TBC1D10B: variants seen among roughly 807,000 people sequenced by gnomAD.
TBC1D10B encodes the protein TBC1 domain family member 10B.
Under a neutral mutation model 78.4 loss-of-function variants are expected in TBC1D10B, and 25 were observed. The ratio of observed to expected loss-of-function variants is 0.32; its 90% CI spans 0.23 to 0.45. TBC1D10B has a LOEUF of 0.45. Among genes scored for constraint, TBC1D10B ranks in the 20% least tolerant of loss-of-function variants. The probability of loss-of-function intolerance (pLI) is 1.00; values close to 1 mark genes in which losing one functional copy is unlikely to be tolerated. For missense variants in TBC1D10B, 996 were observed against 1,104.8 expected (o/e 0.90, Z 1.40); for synonymous variants, 517 against 478.0 (o/e 1.08, Z -1.06).
At position 30,369,318 on chromosome 16, in the gene TBC1D10B, G is replaced by C; in HGVS notation, c.866C>G (p.Ser289Cys). Residue 289 changes from serine to cysteine, a missense_variant, in exon 1 of 9, where the codon TCC (serine) becomes TGC (cysteine). Physicochemically the swap from Ser to Cys is moderately radical, Grantham distance 112 (BLOSUM62 -1). This residue lies in a region of TBC1D10B where 448 missense variants were observed against 442.1 expected (regional missense o/e 1.01). Coordinates refer to ENST00000409939, the MANE Select transcript of TBC1D10B (RefSeq NM_015527.4). This position sits in a 1 kb window ranked among gnomAD's most constrained non-coding sequence, Gnocchi z 4.3. Reference protein sequence around the residue: ...TLESLADDVSSMGSDSEINGL... With the variant: ...TLESLADDVSCMGSDSEINGL... ...GTTTATCTCTGAATCTGAGCCCATG[G>C]AGCTCACATCATCCGCCAAGGACTC... 1 of 1,595,970 alleles carries C rather than the reference G, an allele frequency of 6.3e-7. No individual in the cohort carries two copies. Among genetic ancestry groups the C allele is most frequent in the Non-Finnish European group, 8.5e-7 (1 of 1,171,620 alleles).
At chr16:30,364,788 C>T (rs1382492259) in intron 4 of TBC1D10B, 112 bp downstream of exon 4, 2 of 897,486 alleles carry the variant, frequency 2.2e-6, no homozygotes, top group South Asian at 1.6e-5. Context: ...AGCTCTTCTA[C>T]AAGTCCTGAA....
Position 30,370,009 on chromosome 16 carries a change from G to A in TBC1D10B, c.175C>T (p.Arg59Trp). The part of the protein sequence containing the change: ...PVTLVAPGEA[R>W]PAWVPGSAET... Reference sequence around the variant, plus strand: ...GCCGACCCCGGGACCCAGGCGGGCCGCGCCTCCCCGGGGGCCACCAGGGTG... The same window carrying A: ...GCCGACCCCGGGACCCAGGCGGGCCACGCCTCCCCGGGGGCCACCAGGGTG... The change falls in exon 1 of 9, where the codon CGG becomes TGG. Residue 59 changes from arginine to tryptophan, a missense_variant. This residue lies in a region of TBC1D10B where 448 missense variants were observed against 442.1 expected (regional missense o/e 1.01). Transcript: ENST00000409939. 1 of 1,232,838 alleles carries A rather than the reference G, an allele frequency of 8.1e-7. No individual in the cohort carries two copies. Among genetic ancestry groups the A allele is most frequent in the Admixed American group, 4.2e-5 (1 of 23,704 alleles). 76.4% of individuals were successfully genotyped at this position (1,232,838 alleles called of 1,614,324 possible).
intron 4 of TBC1D10B, among the ~76,000 whole-genome samples, chr16:30,361,878 C>T (rs1273990852): frequency 4.6e-5 from 7 of 151,146 alleles, no homozygotes; most frequent in Admixed American, 4.6e-4. Context: ...GACAGAATCT[C>T]CTCTGTCGCC....
intron 4 of TBC1D10B, among the ~76,000 whole-genome samples, chr16:30,363,669 C>A (rs2049613577): frequency 6.6e-6 from 1 of 152,206 alleles, no homozygotes; most frequent in Non-Finnish European, 1.5e-5. Flanking sequence ...AATATACTTT[C>A]CTTTCCCTGA....
In TBC1D10B at chr16:30,365,842, G is replaced by C. The variant is rs2049631619; in HGVS notation, c.957-248C>G. ...TCTGACACATCCAAATCTGGGGAGAGAGTATGGAGTATTTTAAAGCCACAT... is the reference window on the plus strand; with the variant it reads ...TCTGACACATCCAAATCTGGGGAGACAGTATGGAGTATTTTAAAGCCACAT... On this transcript the variant is annotated intron_variant, in intron 1 of 8. Coordinates refer to ENST00000409939, the MANE Select transcript of TBC1D10B (RefSeq NM_015527.4). This position sits in a 1 kb window ranked among gnomAD's most constrained non-coding sequence, Gnocchi z 5.0. 2.1e-6 allele frequency: 1 copy of C among 469,490 alleles called. No homozygotes were observed. Among genetic ancestry groups the C allele is most frequent in the South Asian group, 2.5e-5 (1 of 39,814 alleles). The allele number at this position is 469,490 out of a possible 1,614,324, so 29.1% of individuals were successfully genotyped here.
At position 30,365,292 on chromosome 16, in the gene TBC1D10B, C is replaced by G; in HGVS notation, c.1057-80G>C. 2 of 1,351,772 alleles carry G rather than the reference C, an allele frequency of 1.5e-6. No homozygotes were observed. The highest frequency in any genetic ancestry group is 2.1e-6 in the Non-Finnish European group (2 of 953,084). The allele number at this position is 1,351,772 out of a possible 1,614,324, so 83.7% of individuals were successfully genotyped here. The stretch of plus-strand genomic sequence containing the variant: ...CTTTCCCCAGCAGTCCACAAACTCC[C>G]TGGATACTCCTCCGACATCCCATAG... On this transcript the variant is annotated intron_variant, in intron 2 of 8. Transcript: ENST00000409939. The surrounding 1 kb of genome is among the most constrained non-coding windows in gnomAD (Gnocchi z 5.0).
Position 30,359,317 on chromosome 16 carries a change from G to A in TBC1D10B, c.1497C>T (p.Arg499=). The change falls in exon 7 of 9, where the codon CGC becomes CGT. Residue 499 remains arginine (R), a synonymous_variant. Coordinates refer to ENST00000409939, the MANE Select transcript of TBC1D10B (RefSeq NM_015527.4). ...LDGEIFFALL[R]RASPLAHRHL... ...GGCGATGCGCCAGCGGGGAGGCCCG[G>A]CGCAGGAGTGCAAAAAAGATCTCCC... 1 of 1,590,918 alleles carries A rather than the reference G, an allele frequency of 6.3e-7. No individual in the cohort carries two copies. The highest frequency in any genetic ancestry group is 8.6e-7 in the Non-Finnish European group (1 of 1,169,154).
Position 30,369,288 on chromosome 16 carries a change from A to T in TBC1D10B, c.896T>A (p.Leu299Gln). 3.8e-6 allele frequency: 6 copies of T among 1,588,956 alleles called. No individual in the cohort carries two copies. The highest frequency in any genetic ancestry group is 5.1e-6 in the Non-Finnish European group (6 of 1,168,274). The change falls in exon 1 of 9, where the codon CTG (leucine) becomes CAG (glutamine). Residue 299 changes from leucine (L) to glutamine (Q), a missense_variant. Transcript: ENST00000409939. The surrounding 1 kb of genome is among the most constrained non-coding windows in gnomAD (Gnocchi z 4.3). Reference protein sequence around the residue: ...SMGSDSEINGLALRKTDKYGF... With the variant: ...SMGSDSEINGQALRKTDKYGF... Reference sequence around the variant, plus strand: ...ATACTTGTCCGTCTTGCGCAGGGCCAGCCCGTTTATCTCTGAATCTGAGCC... The same window carrying T: ...ATACTTGTCCGTCTTGCGCAGGGCCTGCCCGTTTATCTCTGAATCTGAGCC...
rs1420264090 is a variant in TBC1D10B at position 30,357,991 on chromosome 16, C to T, written c.2380G>A (p.Gly794Ser). Reference sequence around the variant, plus strand: ...GCCTCGGCTGAGGGCCTGTCCCCACCATCATGGGGGCCTGGGGGCCCATCT... The same window carrying T: ...GCCTCGGCTGAGGGCCTGTCCCCACTATCATGGGGGCCTGGGGGCCCATCT... ...KADGPPGPHD[G>S]GDRPSAEARQ... The change falls in exon 9 of 9, where the codon GGT becomes AGT. Residue 794 changes from glycine to serine, a missense_variant. Gly to Ser is a moderately conservative substitution (Grantham distance 56, BLOSUM62 0). This residue lies in a region of TBC1D10B where 285 missense variants were observed against 252.5 expected (regional missense o/e 1.13). Transcript: ENST00000409939. 5.8e-6 allele frequency: 9 copies of T among 1,551,632 alleles called. No individual in the cohort carries two copies. The highest frequency in any genetic ancestry group is 7.8e-6 in the Non-Finnish European group (9 of 1,146,992).
chr16:30,357,625 T>C lies in TBC1D10B; in HGVS notation c.*319A>G. On this transcript the variant is annotated 3_prime_UTR_variant, in exon 9 of 9. Coordinates refer to ENST00000409939, the MANE Select transcript of TBC1D10B (RefSeq NM_015527.4). ...AGTGTAAGAATCTGAAACTGCTGAC[T>C]CCCATCACCAGGAGTCACCCCTGGG... The C allele has an allele frequency of 2.4e-6, 1 of 420,548 alleles. No individual in the cohort carries two copies. The highest frequency in any genetic ancestry group is 3.9e-5 in the East Asian group (1 of 25,416). 26.1% of individuals were successfully genotyped at this position (420,548 alleles called of 1,614,324 possible). A position where few individuals can be genotyped will look rare whatever the true frequency, so the allele number is the denominator to read the frequency against.
chr16:30,363,860 A>G (rs572416425), intron 4 of TBC1D10B, among the ~76,000 whole-genome samples: 1 of 152,242 alleles, frequency 6.6e-6, no homozygotes. Flanking sequence ...TCACGCCTAT[A>G]ACGCTAGCAC....
chr16:30,358,141 T>C lies in TBC1D10B; in HGVS notation c.2230A>G (p.Lys744Glu), dbSNP rs1384763555. The C allele has an allele frequency of 3.9e-6, 6 of 1,550,974 alleles. No individual in the cohort carries two copies. The highest frequency in any genetic ancestry group is 1.2e-5 in the South Asian group (1 of 83,984). The change falls in exon 9 of 9, where the codon AAG (lysine) becomes GAG (glutamate). Residue 744 changes from lysine to glutamate, a missense_variant. Lys to Glu is a moderately conservative substitution (Grantham distance 56). Coordinates refer to ENST00000409939, the MANE Select transcript of TBC1D10B (RefSeq NM_015527.4). ...ERQKQEKERE[K>E]ERQKQEKERE... ...TCTTTCTCCTGCTTCTGCCGCTCCT[T>C]CTCCCGCTCCTTCTCCTGTTTCTGC...
chr16:30,360,957 A>G (rs937750592), intron 4 of TBC1D10B, among the ~76,000 whole-genome samples: 7 of 151,730 alleles, frequency 4.6e-5, no homozygotes, highest in Non-Finnish European at 1.0e-4. Flanking sequence ...TCCCACAAGC[A>G]TACCCACATG....
Position 30,369,894 on chromosome 16 carries a change from G to A in TBC1D10B, c.290C>T (p.Ser97Leu). 7.2e-7 allele frequency: 1 copy of A among 1,391,680 alleles called. No individual in the cohort carries two copies. The highest frequency in any genetic ancestry group is 3.4e-5 in the Admixed American group (1 of 29,712). 86.2% of individuals were successfully genotyped at this position (1,391,680 alleles called of 1,614,324 possible). ...GAGCTGCGGCTTTGGGGCTTCGGGC[G>A]AGGCCTCCAGGGTCAGCACCACCAC... ...STVVVLTLEA[S>L]PEAPKPQLPS... is the part of the protein sequence containing the mutation. The change falls in exon 1 of 9, where the codon TCG (serine) becomes TTG (leucine). Residue 97 changes from serine to leucine, a missense_variant. By Grantham distance (145) the Ser-to-Leu change is moderately radical. This residue lies in a region of TBC1D10B where 448 missense variants were observed against 442.1 expected (regional missense o/e 1.01). Transcript: ENST00000409939. The surrounding 1 kb of genome is among the most constrained non-coding windows in gnomAD (Gnocchi z 4.3).
chr16:30,370,112 C>T lies in TBC1D10B; in HGVS notation c.72G>A (p.Pro24=), dbSNP rs2049676106. The T allele has an allele frequency of 8.2e-7, 1 of 1,219,082 alleles. No individual in the cohort carries two copies. 75.5% of individuals were successfully genotyped at this position (1,219,082 alleles called of 1,614,324 possible). A position where few individuals can be genotyped will look rare whatever the true frequency, so the allele number is the denominator to read the frequency against. Residue 24 remains proline, a synonymous_variant, in exon 1 of 9, where the codon CCG becomes CCA. Coordinates refer to ENST00000409939, the MANE Select transcript of TBC1D10B (RefSeq NM_015527.4). ...RHGAPAAPSP[P]PRGSRAGPVV... ...CGGGCCCGGCCCGGGAACCCCGGGG[C>T]GGCGGCGAGGGGGCCGCGGGGGCGC... is the stretch of plus-strand genomic sequence containing the variant.
At position 30,358,383 on chromosome 16, in the gene TBC1D10B, G is replaced by GGGAGGCTGA; in HGVS notation, c.1979_1987dup (p.Leu660_Leu662dup). ...CCGGGAGCCTCGGCTCTTGAGGCCA[G>GGGAGGCTGA]GGAGGCTGAGGAGGCTGGAGGAGGG... On this transcript the variant is annotated inframe_insertion, in exon 9 of 9. Transcript: ENST00000409939. 3 of 1,565,484 alleles carry GGGAGGCTGA rather than the reference G, an allele frequency of 1.9e-6. No homozygotes were observed. Among genetic ancestry groups the GGGAGGCTGA allele is most frequent in the Non-Finnish European group, 2.6e-6 (3 of 1,155,644 alleles).
chr16:30,367,142 C>G (rs1272114976), intron 1 of TBC1D10B: 1 of 152,528 alleles, frequency 6.6e-6, no homozygotes, highest in Non-Finnish European at 1.5e-5. Context: ...TGCAGTGAGC[C>G]AAGATCGCAC....
In TBC1D10B at chr16:30,369,637, C is replaced by G. The variant is rs1596991506; in HGVS notation, c.547G>C (p.Val183Leu). ...TGTCCTGATGCACTCCGTGCAGTCA[C>G]TCCTGAGGCCACTGTGGTTCCCGGC... is the stretch of plus-strand genomic sequence containing the variant. ...PKPGTTVASG[V>L]TARSASGQVT... Residue 183 changes from valine to leucine, a missense_variant, in exon 1 of 9, where the codon GTG (valine) becomes CTG (leucine). Val to Leu is a conservative substitution (Grantham distance 32). This residue lies in a region of TBC1D10B where 448 missense variants were observed against 442.1 expected (regional missense o/e 1.01). Transcript: ENST00000409939. This position sits in a 1 kb window ranked among gnomAD's most constrained non-coding sequence, Gnocchi z 4.3. The G allele has an allele frequency of 6.5e-7, 1 of 1,532,624 alleles. No homozygotes were observed. The highest frequency in any genetic ancestry group is 2.5e-5 in the East Asian group (1 of 40,710). 94.9% of individuals were successfully genotyped at this position (1,532,624 alleles called of 1,614,324 possible).
At position 30,365,077 on chromosome 16, in the gene TBC1D10B, T is replaced by C; in HGVS notation, c.1164+28A>G. 6.2e-7 allele frequency: 1 copy of C among 1,612,636 alleles called. No homozygotes were observed. The highest frequency in any genetic ancestry group is 1.7e-5 in the Admixed American group (1 of 60,014). On this transcript the variant is annotated intron_variant, in intron 3 of 8. Coordinates refer to ENST00000409939, the MANE Select transcript of TBC1D10B (RefSeq NM_015527.4). This position sits in a 1 kb window ranked among gnomAD's most constrained non-coding sequence, Gnocchi z 5.0. Reference sequence around the variant, plus strand: ...TACCCCTTGCACAGACAGGGCCACATGTCCCCACACCTTGGAGCTGCACGC... The same window carrying C: ...TACCCCTTGCACAGACAGGGCCACACGTCCCCACACCTTGGAGCTGCACGC...
Sources: gnomAD v4.1 joint callset for allele counts (sites outside exome capture counted in the v4.1 genomes callset) on GRCh38, gnomAD v4.1.1 for gene constraint, gnomAD v4.1.1 regional missense constraint, Gnocchi (gnomAD v3.1) non-coding constraint, MANE v1.5 for transcripts, NCBI Gene and HGNC (gene_info 2026-07-23, HGNC 2026-07-21) for gene names.